Variants in GSK3B observed in about 807,000 individuals in gnomAD.
The protein encoded by GSK3B is glycogen synthase kinase-3 beta.
A neutral mutation model predicts 56.4 loss-of-function variants in GSK3B; 15 were observed. The observed-to-expected ratio is 0.27, with a 90% CI of 0.18 to 0.41. The LOEUF (loss-of-function observed/expected upper bound fraction) is 0.41, where lower values mean the gene tolerates loss of function less well. GSK3B is among the 10% of genes least tolerant of loss of function. The pLI is 1.00. For missense variants in GSK3B, 300 were observed against 513.4 expected (o/e 0.58, Z 4.02); for synonymous variants, 181 against 188.9 (o/e 0.96, Z 0.34).
chr3:119,861,837 C>T (rs2056107451), intron 9 of GSK3B, among the ~76,000 whole-genome samples: 1 of 152,164 alleles, frequency 6.6e-6, no homozygotes, highest in South Asian at 2.1e-4. Context: ...CCTAATAATA[C>T]ATTTCTCAGA....
intron 1 of GSK3B, among the ~76,000 whole-genome samples, chr3:120,028,131 A>C (rs1478967440): frequency 6.6e-6 from 1 of 152,236 alleles, no homozygotes; most frequent in Non-Finnish European, 1.5e-5. Flanking sequence ...CACAGAAAAG[A>C]GTGACAAGAA....
intron 6 of GSK3B, among the ~76,000 whole-genome samples, chr3:119,911,525 C>T (rs910258621): frequency 6.6e-6 from 1 of 152,138 alleles, no homozygotes; most frequent in South Asian, 2.1e-4. Flanking sequence ...GACACTTCTC[C>T]TCTCTAGAAG....
At chr3:119,935,479 G>C (rs748563641) in intron 3 of GSK3B, among the ~76,000 whole-genome samples, 1 of 152,006 alleles carries the variant, frequency 6.6e-6, no homozygotes, top group Non-Finnish European at 1.5e-5. Context: ...AATCATATAT[G>C]AACCCACTTT....
At chr3:119,925,385 C>T (rs2056880823) in intron 3 of GSK3B, among the ~76,000 whole-genome samples, 1 of 152,176 alleles carries the variant, frequency 6.6e-6, no homozygotes, top group South Asian at 2.1e-4. Context: ...CTTTTCCAGA[C>T]CACTTAATTT....
intron 8 of GSK3B, among the ~76,000 whole-genome samples, chr3:119,867,338 A>G (rs1030061721): frequency 6.6e-6 from 1 of 152,202 alleles, no homozygotes; most frequent in South Asian, 2.1e-4. Flanking sequence ...GGAAATTGAC[A>G]TATCACCTCA....
chr3:119,908,414 G>A lies in GSK3B; in HGVS notation c.716-2562C>T, dbSNP rs1413437366. On this transcript the variant is annotated intron_variant, in intron 6 of 10. Coordinates refer to ENST00000264235, the MANE Select transcript of GSK3B (RefSeq NM_001146156.2). ...GAAATTTGCTCTTGGGGAGAGTCAA[G>A]TCTAAAAATGCCACAAAAGAATACC... Among the ~76,000 whole-genome samples, 3 of 152,152 alleles carry A rather than the reference G, an allele frequency of 2.0e-5. No individual in the cohort carries two copies. In the East Asian group the frequency reaches 5.8e-4, roughly 29 times the overall value.
intron 8 of GSK3B, among the ~76,000 whole-genome samples, chr3:119,864,641 G>T (rs932155595): frequency 6.6e-6 from 1 of 152,234 alleles, no homozygotes; most frequent in African/African-American, 2.4e-5. Flanking sequence ...CACGCAGATT[G>T]TGACAGGGCA....
At chr3:120,054,797 C>T (rs1471692255) in intron 1 of GSK3B, among the ~76,000 whole-genome samples, 1 of 152,156 alleles carries the variant, frequency 6.6e-6, no homozygotes, top group African/African-American at 2.4e-5. Context: ...AACATGCCCA[C>T]AATTGAACTC....
intron 2 of GSK3B, among the ~76,000 whole-genome samples, chr3:119,960,291 T>C (rs1389800584): frequency 6.6e-6 from 1 of 151,840 alleles, no homozygotes; most frequent in African/African-American, 2.4e-5. Flanking sequence ...ACACTGGGTG[T>C]TAGGGGTGGA....
At chr3:119,919,727 A>G (rs1464520748) in intron 4 of GSK3B, among the ~76,000 whole-genome samples, 1 of 152,054 alleles carries the variant, frequency 6.6e-6, no homozygotes, top group Non-Finnish European at 1.5e-5. Context: ...TCACTATAGC[A>G]AAAACCAAAA....
intron 2 of GSK3B, among the ~76,000 whole-genome samples, chr3:119,989,103 C>G (rs561129226): frequency 6.6e-6 from 1 of 152,148 alleles, no homozygotes; most frequent in African/African-American, 2.4e-5. Flanking sequence ...TTTCAGCAGA[C>G]GCTGCCTCTA....
chr3:120,054,638 C>A (rs2058178252), intron 1 of GSK3B, among the ~76,000 whole-genome samples: 1 of 151,952 alleles, frequency 6.6e-6, no homozygotes, highest in South Asian at 2.1e-4. Flanking sequence ...GGTCTCTGAC[C>A]ATCTTCTCTT....
intron 1 of GSK3B, among the ~76,000 whole-genome samples, chr3:120,019,696 CTA>C (rs2057856597): frequency 6.6e-6 from 1 of 152,156 alleles, no homozygotes; most frequent in African/African-American, 2.4e-5. Context: ...TGCCAGCAAC[CTA>C]TAAAGTACCT....
At chr3:120,005,685 A>G (rs1419362324) in intron 1 of GSK3B, among the ~76,000 whole-genome samples, 3 of 152,218 alleles carry the variant, frequency 2.0e-5, no homozygotes, top group Non-Finnish European at 2.9e-5. Context: ...TAAGCTTCAT[A>G]AGTGAAGGAG....
chr3:120,042,301 C>G (rs573730949), intron 1 of GSK3B, among the ~76,000 whole-genome samples: 1 of 152,148 alleles, frequency 6.6e-6, no homozygotes, highest in East Asian at 1.9e-4. Flanking sequence ...AAAGAGAGCT[C>G]AGAATAAAAA....
chr3:119,866,730 G>T, intron 8 of GSK3B: 3 of 732,864 alleles, frequency 4.1e-6, no homozygotes, highest in South Asian at 1.7e-5. Flanking sequence ...AGAAATCCAT[G>T]GTGTGGGGGG....
intron 7 of GSK3B, among the ~76,000 whole-genome samples, chr3:119,897,195 G>T (rs1006134657): frequency 6.6e-6 from 1 of 152,082 alleles, no homozygotes; most frequent in South Asian, 2.1e-4. Context: ...GAGCTACATC[G>T]CCAGGAGTTA....
At chr3:119,910,326 C>T (rs964175091) in intron 6 of GSK3B, among the ~76,000 whole-genome samples, 4 of 152,050 alleles carry the variant, frequency 2.6e-5, no homozygotes, top group Non-Finnish European at 5.9e-5. Flanking sequence ...CAGACCATAA[C>T]AATAAGACAC....
intron 7 of GSK3B, among the ~76,000 whole-genome samples, chr3:119,893,932 CTGAG>C (rs957688761): frequency 2.0e-5 from 3 of 151,342 alleles, no homozygotes; most frequent in African/African-American, 4.9e-5. Flanking sequence ...CCTTATACAA[CTGAG>C]TGATTTTTAC....
Sources: gnomAD v4.1 joint callset for allele counts (sites outside exome capture counted in the v4.1 genomes callset) on GRCh38, gnomAD v4.1.1 for gene constraint, MANE v1.5 for transcripts, NCBI Gene and HGNC (gene_info 2026-07-23, HGNC 2026-07-21) for gene names.